ADAMTS17: variants seen among roughly 807,000 people sequenced by gnomAD.
The protein encoded by ADAMTS17 is ADAM metallopeptidase with thrombospondin type 1 motif 17.
Under a neutral mutation model 141.5 loss-of-function variants are expected in ADAMTS17, and 113 were observed. The observed-to-expected ratio is 0.80, with a 90% CI of 0.69 to 0.93. ADAMTS17 has a LOEUF of 0.93. Ranked by LOEUF, ADAMTS17 falls within the 40% of genes least tolerant of loss-of-function variation. The pLI is 0.00. For synonymous variants in ADAMTS17, 768 were observed against 630.6 expected (o/e 1.22, Z -3.27); for missense variants, 1,659 against 1,517.9 (o/e 1.09, Z -1.54).
intron 18 of ADAMTS17, among the ~76,000 whole-genome samples, chr15:100,021,368 T>C (rs2061404528): frequency 2.6e-5 from 4 of 152,050 alleles, no homozygotes; most frequent in Admixed American, 2.6e-4. Flanking sequence ...AACCACTAAG[T>C]CCCACCAAGC....
chr15:99,991,726 C>G (rs1057320299), intron 20 of ADAMTS17, among the ~76,000 whole-genome samples: 1 of 152,258 alleles, frequency 6.6e-6, no homozygotes, highest in East Asian at 1.9e-4. Context: ...TGCACACATA[C>G]GTTTACTGCG....
intron 18 of ADAMTS17, among the ~76,000 whole-genome samples, chr15:100,025,086 A>C (rs772515956): frequency 6.6e-6 from 1 of 152,050 alleles, no homozygotes; most frequent in Non-Finnish European, 1.5e-5. Flanking sequence ...TAGCCAATAC[A>C]TTTCTCTCTG....
chr15:100,008,552 C>T (rs901841337), intron 18 of ADAMTS17, among the ~76,000 whole-genome samples: 6 of 152,354 alleles, frequency 3.9e-5, no homozygotes, highest in African/African-American at 1.4e-4. Flanking sequence ...AAGGCTTGGC[C>T]TTGGCCAGCG....
At chr15:100,028,615 G>T (rs1242519802) in intron 18 of ADAMTS17, among the ~76,000 whole-genome samples, 1 of 152,208 alleles carries the variant, frequency 6.6e-6, no homozygotes, top group Non-Finnish European at 1.5e-5. Context: ...TCATTCTCAT[G>T]ACAGCCCTCT....
At chr15:100,113,694 A>G (rs191680189) in intron 13 of ADAMTS17, among the ~76,000 whole-genome samples, 204 of 152,338 alleles carry the variant, frequency 1.3e-3, no homozygotes, top group African/African-American at 4.8e-3. Flanking sequence ...CACAGAGCTA[A>G]GGTCCTGACA....
intron 13 of ADAMTS17, among the ~76,000 whole-genome samples, chr15:100,112,398 G>C (rs2036845222): frequency 6.6e-6 from 1 of 152,060 alleles, no homozygotes; most frequent in African/African-American, 2.4e-5. Flanking sequence ...CCCCTTTGAG[G>C]CCTCTGCTTG....
chr15:100,062,120 G>T (rs1179545491), intron 15 of ADAMTS17, among the ~76,000 whole-genome samples: 2 of 152,244 alleles, frequency 1.3e-5, no homozygotes, highest in African/African-American at 4.8e-5. Context: ...CAGAGTGACA[G>T]CTGGGACAGC....
At chr15:100,154,376 G>A (rs540924843) in intron 9 of ADAMTS17, among the ~76,000 whole-genome samples, 10 of 152,322 alleles carry the variant, frequency 6.6e-5, no homozygotes, top group South Asian at 2.1e-4. Flanking sequence ...AACAAGGAAC[G>A]TCATGAAAAA....
chr15:100,027,179 T>C (rs973285432), intron 18 of ADAMTS17, among the ~76,000 whole-genome samples: 9 of 152,260 alleles, frequency 5.9e-5, no homozygotes, highest in African/African-American at 2.2e-4. Context: ...TTTTTAATGA[T>C]ATCTCTTGAC....
At chr15:100,270,287 C>T (rs1476939886) in intron 4 of ADAMTS17, among the ~76,000 whole-genome samples, 1 of 152,164 alleles carries the variant, frequency 6.6e-6, no homozygotes, top group African/African-American at 2.4e-5. Flanking sequence ...TTTAACCATG[C>T]TTGTTTTATC....
At chr15:100,334,228 G>A (rs537703322) in intron 2 of ADAMTS17, among the ~76,000 whole-genome samples, 9 of 152,270 alleles carry the variant, frequency 5.9e-5, no homozygotes, top group African/African-American at 1.9e-4. Context: ...ATCACCTAAC[G>A]TTAGCACATG....
At chr15:100,041,727 C>T (rs2141540100) in intron 18 of ADAMTS17, among the ~76,000 whole-genome samples, 1 of 152,260 alleles carries the variant, frequency 6.6e-6, no homozygotes, top group Admixed American at 6.5e-5. Context: ...CTCCAGATTC[C>T]ATATGGTTAC....
intron 2 of ADAMTS17, among the ~76,000 whole-genome samples, chr15:100,335,249 G>T (rs1009322224): frequency 6.6e-6 from 1 of 152,176 alleles, no homozygotes; most frequent in Non-Finnish European, 1.5e-5. Flanking sequence ...AATGCCTTCG[G>T]TTGGCACCCA....
intron 14 of ADAMTS17, among the ~76,000 whole-genome samples, chr15:100,101,677 A>T (rs2036111126): frequency 6.6e-6 from 1 of 152,350 alleles, no homozygotes; most frequent in Admixed American, 6.5e-5. Flanking sequence ...ATGTGTGTTC[A>T]GTAAGAGCAT....
rs79993035 is a variant in ADAMTS17, at chr15:100,181,709, T to C, written c.1181+17609A>G. Among the ~76,000 whole-genome samples, 63 of 152,370 alleles carry C rather than the reference T, an allele frequency of 4.1e-4. 2 individuals are homozygous for C. The East Asian group carries it at 0.011, about 27-fold the overall frequency. On this transcript the variant is annotated intron_variant, in intron 8 of 21. Transcript: ENST00000268070. Reference sequence around the variant, plus strand: ...TCAAGATGCAAGACAATGTTCTCTTTACGCTTCCCTCTTCTCTCCTGAAGG... The same window carrying C: ...TCAAGATGCAAGACAATGTTCTCTTCACGCTTCCCTCTTCTCTCCTGAAGG...
At chr15:100,117,803 G>A (rs934737741) in intron 12 of ADAMTS17, among the ~76,000 whole-genome samples, 3 of 152,146 alleles carry the variant, frequency 2.0e-5, no homozygotes, top group African/African-American at 7.2e-5. Flanking sequence ...AGGTCATCAT[G>A]ATGGAATAAG....
At chr15:100,172,321 G>A (rs1054518751) in intron 8 of ADAMTS17, among the ~76,000 whole-genome samples, 19 of 152,290 alleles carry the variant, frequency 1.2e-4, no homozygotes, top group Admixed American at 5.2e-4. Flanking sequence ...CATGTCTATT[G>A]TTGGATGCAG....
intron 20 of ADAMTS17, among the ~76,000 whole-genome samples, chr15:99,981,000 C>T (rs905888792): frequency 6.6e-6 from 1 of 152,224 alleles, no homozygotes; most frequent in African/African-American, 2.4e-5. Flanking sequence ...CGTTCCACAA[C>T]AATCCTCAGG....
intron 13 of ADAMTS17, among the ~76,000 whole-genome samples, chr15:100,113,925 T>G (rs2036950063): frequency 6.6e-6 from 1 of 152,240 alleles, no homozygotes; most frequent in Non-Finnish European, 1.5e-5. Context: ...CATGGCCTGC[T>G]GGCCTGGGCA....
Sources: gnomAD v4.1 joint callset for allele counts (sites outside exome capture counted in the v4.1 genomes callset) on GRCh38, gnomAD v4.1.1 for gene constraint, MANE v1.5 for transcripts, NCBI Gene and HGNC (gene_info 2026-07-23, HGNC 2026-07-21) for gene names.